NAV3: variants seen among roughly 807,000 people sequenced by gnomAD.
NAV3 encodes neuron navigator 3, also known as pore membrane and/or filament interacting like protein 1.
NAV3 carries 87 observed loss-of-function variants against 244.7 expected under a neutral mutation model. That is an observed-to-expected ratio of 0.36 (90% CI 0.30 to 0.42). The LOEUF is 0.42. NAV3 is among the 20% of genes least tolerant of loss of function. The pLI is 1.00. For missense variants in NAV3, 2,663 were observed against 2,893.3 expected, an observed-to-expected ratio of 0.92 and a Z score of 1.83; for synonymous variants, 1,126 against 1,042.2, an observed-to-expected ratio of 1.08 and a Z score of -1.55.
intron 1 of NAV3, among the ~76,000 whole-genome samples, chr12:77,899,647 C>G (rs1158330156): frequency 1.3e-5 from 2 of 152,132 alleles, no homozygotes; most frequent in Non-Finnish European, 2.9e-5. Flanking sequence ...CTTTATTGCA[C>G]TATTTGGTTT....
intron 2 of NAV3, among the ~76,000 whole-genome samples, chr12:77,739,250 G>T (rs796966091): frequency 6.6e-6 from 1 of 152,082 alleles, no homozygotes; most frequent in African/African-American, 2.4e-5. Context: ...ATAAATGTCA[G>T]CTGTTGTTTA....
intron 6 of NAV3, among the ~76,000 whole-genome samples, chr12:77,997,627 T>A (rs1168639782): frequency 1.8e-4 from 27 of 152,228 alleles, no homozygotes; most frequent in Admixed American, 1.6e-3. Flanking sequence ...GTGATTTTCT[T>A]CTGAGATCTG....
Position 77,930,887 on chromosome 12 carries a change from A to G in NAV3, c.244-9432A>G, listed in dbSNP as rs576316367. Among the ~76,000 whole-genome samples, 4 of 152,292 alleles carry G rather than the reference A, an allele frequency of 2.6e-5. No individual in the cohort carries two copies. In the East Asian group the frequency reaches 5.8e-4, roughly 22 times the overall value. On this transcript the variant is annotated intron_variant, in intron 1 of 39. Transcript: ENST00000397909. ...AATTTCTCTGTATCTTCTAGTTGCA[A>G]TGTCACTGTAGAGACTTGTGATGTC... is the stretch of plus-strand genomic sequence containing the variant.
chr12:77,742,552 A>C (rs1259594583), intron 2 of NAV3, among the ~76,000 whole-genome samples: 2 of 152,126 alleles, frequency 1.3e-5, no homozygotes, highest in African/African-American at 4.8e-5. Context: ...TGTATAAAAT[A>C]TATGTAGATA....
intron 5 of NAV3, among the ~76,000 whole-genome samples, chr12:77,985,106 G>A (rs972549581): frequency 1.1e-4 from 16 of 152,150 alleles, no homozygotes; most frequent in African/African-American, 3.6e-4. Context: ...GTGAGCCACC[G>A]CGCCCAGCCT....
At chr12:77,944,994 CATTG>C (rs1890196238) in intron 3 of NAV3, among the ~76,000 whole-genome samples, 1 of 151,966 alleles carries the variant, frequency 6.6e-6, no homozygotes, top group African/African-American at 2.4e-5. Flanking sequence ...ATTGGATAGG[CATTG>C]ATTACCTGTA....
chr12:78,195,377 CT>C (rs771423070), intron 34 of NAV3, among the ~76,000 whole-genome samples: 2 of 149,090 alleles, frequency 1.3e-5, no homozygotes, highest in East Asian at 1.9e-4. Flanking sequence ...TTATTATTTG[CT>C]TTTTTTTCCC....
intron 24 of NAV3, among the ~76,000 whole-genome samples, chr12:78,170,536 C>T (rs1957958074): frequency 1.3e-5 from 2 of 151,706 alleles, no homozygotes; most frequent in African/African-American, 2.4e-5. Flanking sequence ...CTACAGGTAT[C>T]CCATTCATTG....
intron 15 of NAV3, 139 bp from the exon 16 acceptor site, chr12:78,121,801 T>G (rs1955679786): frequency 3.6e-6 from 4 of 1,101,310 alleles, no homozygotes; most frequent in South Asian, 3.3e-5. Context: ...CTTATAAAAG[T>G]TCATTAACAT....
intron 2 of NAV3, among the ~76,000 whole-genome samples, chr12:77,639,203 T>A (rs927690442): frequency 3.9e-5 from 6 of 152,182 alleles, no homozygotes; most frequent in African/African-American, 1.4e-4. Flanking sequence ...AAATTTTTTT[T>A]ATCCTCATCT....
intron 23 of NAV3, among the ~76,000 whole-genome samples, chr12:78,162,902 A>AAATATATATAATATATAATATATATATAT (rs1957616476): frequency 7.8e-6 from 1 of 128,770 alleles, no homozygotes; most frequent in African/African-American, 2.6e-5. Context: ...ATATATATAT[A>AAATATATATAATATATAATATATATATAT]AATATATATA....
chr12:78,189,751 C>G (rs377347929), intron 33 of NAV3, among the ~76,000 whole-genome samples: 1 of 151,764 alleles, frequency 6.6e-6, no homozygotes, highest in Non-Finnish European at 1.5e-5. Flanking sequence ...TGGAGTGAAG[C>G]CTGAAGAAAA....
intron 5 of NAV3, among the ~76,000 whole-genome samples, chr12:77,974,455 T>C (rs1349305917): frequency 6.8e-6 from 1 of 146,532 alleles, no homozygotes; most frequent in Admixed American, 6.8e-5. Context: ...CTGTTTATTA[T>C]TATTTTTTTT....
At chr12:77,985,434 A>G (rs1169588761) in intron 5 of NAV3, among the ~76,000 whole-genome samples, 2 of 152,210 alleles carry the variant, frequency 1.3e-5, no homozygotes, top group Admixed American at 6.5e-5. Context: ...TTAATTCAGT[A>G]TCCAAAAGTA....
intron 12 of NAV3, among the ~76,000 whole-genome samples, chr12:78,101,971 A>G (rs955349253): frequency 6.6e-6 from 1 of 152,198 alleles, no homozygotes; most frequent in Non-Finnish European, 1.5e-5. Flanking sequence ...TACCATAAAA[A>G]TGTGCGAAAA....
intron 2 of NAV3, among the ~76,000 whole-genome samples, chr12:77,720,167 C>G (rs1727865): frequency 8.8e-4 from 63 of 71,982 alleles, no homozygotes; most frequent in African/African-American, 2.4e-3. Context: ...CTCTCTCTCT[C>G]TCTCTCTCTC....
At chr12:78,056,042 T>C (rs1740089715) in intron 11 of NAV3, 1 of 152,216 alleles carries the variant, frequency 6.6e-6, no homozygotes, top group South Asian at 2.1e-4. Flanking sequence ...TAAATATGCA[T>C]TGATGGTCTA....
intron 22 of NAV3, among the ~76,000 whole-genome samples, chr12:78,155,598 C>T (rs1324476417): frequency 3.9e-5 from 6 of 152,098 alleles, no homozygotes; most frequent in African/African-American, 7.2e-5. Flanking sequence ...ACACTGTCTT[C>T]CACATTGGTT....
In NAV3 at chr12:78,119,554, C is replaced by A. The variant is rs2138617884; in HGVS notation, c.3358C>A (p.Gln1120Lys). ...RKTSLDGSQN[Q>K]DDVVLHVSSK... ...AACCAGTTTGGACGGTTCACAGAAT[C>A]AGGATGATGTTGTGCTGCATGTTAG... The change falls in exon 15 of 40, where the codon CAG becomes AAG. Residue 1120 changes from glutamine (Q) to lysine (K), a missense_variant. Gln to Lys is a moderately conservative substitution (Grantham distance 53, BLOSUM62 1). This residue lies in a region of NAV3 where 1,521 missense variants were observed against 1,497.0 expected (regional missense o/e 1.02). Coordinates refer to ENST00000397909, the MANE Select transcript of NAV3 (RefSeq NM_001024383.2). 6.2e-7 allele frequency: 1 copy of A among 1,614,164 alleles called. No homozygotes were observed. The highest frequency in any genetic ancestry group is 1.1e-5 in the South Asian group (1 of 91,074).
Sources: gnomAD v4.1 joint callset for allele counts (sites outside exome capture counted in the v4.1 genomes callset) on GRCh38, gnomAD v4.1.1 for gene constraint, gnomAD v4.1.1 regional missense constraint, MANE v1.5 for transcripts, NCBI Gene and HGNC (gene_info 2026-07-23, HGNC 2026-07-21) for gene names.